KALRN: variants seen among roughly 807,000 people sequenced by gnomAD.
The protein encoded by KALRN is kalirin.
Under a neutral mutation model 353.7 loss-of-function variants are expected in KALRN, and 70 were observed. The observed-to-expected ratio is 0.20, with a 90% confidence interval of 0.16 to 0.24. The LOEUF (loss-of-function observed/expected upper bound fraction) is 0.24, where lower values mean the gene tolerates loss of function less well. KALRN is among the 10% of genes least tolerant of loss of function. The probability of loss-of-function intolerance (pLI) is 1.00; values close to 1 mark genes in which losing one functional copy is unlikely to be tolerated. For missense variants in KALRN, 2,791 were observed against 3,756.7 expected (o/e 0.74, Z 6.72); for synonymous variants, 1,391 against 1,434.8 (o/e 0.97, Z 0.69).
chr3:124,505,903 ATTCT>A (rs1403942230), intron 33 of KALRN, among the ~76,000 whole-genome samples: 1 of 152,174 alleles, frequency 6.6e-6, no homozygotes, highest in Non-Finnish European at 1.5e-5. Context: ...TGGGTTGAAA[ATTCT>A]TGCCTGGGTT....
chr3:124,434,758 G>A (rs2093403912), intron 17 of KALRN, among the ~76,000 whole-genome samples: 1 of 152,220 alleles, frequency 6.6e-6, no homozygotes, highest in Non-Finnish European at 1.5e-5. Flanking sequence ...GATCTATAGG[G>A]AGGTGTTGAA....
intron 33 of KALRN, among the ~76,000 whole-genome samples, chr3:124,561,730 T>C (rs889544529): frequency 6.6e-6 from 1 of 152,194 alleles, no homozygotes; most frequent in African/African-American, 2.4e-5. Context: ...GGACTTTGCC[T>C]CCAAACTGCT....
Position 124,712,984 on chromosome 3 carries a change from G to A in KALRN, c.8125G>A (p.Asp2709Asn). The A allele has an allele frequency of 2.8e-5, 45 of 1,614,072 alleles. No individual in the cohort carries two copies. The highest frequency in any genetic ancestry group is 3.6e-5 in the Non-Finnish European group (42 of 1,179,992). Residue 2709 changes from aspartate to asparagine, a missense_variant, in exon 58 of 60, where the codon GAT becomes AAT. By Grantham distance (23) the Asp-to-Asn change is conservative. Coordinates refer to ENST00000682506, the MANE Select transcript of KALRN (RefSeq NM_001388419.1). ...ATGCATTCACAAAGCTACCCGCAAA[G>A]ATGTGGCTGTGAAATTTGTTAGCAA... is the stretch of plus-strand genomic sequence containing the variant. ...KKCIHKATRK[D>N]VAVKFVSKKM...
intron 11 of KALRN, among the ~76,000 whole-genome samples, chr3:124,392,869 G>A (rs2089636268): frequency 6.6e-6 from 1 of 151,278 alleles, no homozygotes; most frequent in South Asian, 2.1e-4. Flanking sequence ...CATGTGCCAT[G>A]CTGGTGCGCT....
chr3:124,645,570 A>T (rs922856901), intron 37 of KALRN, among the ~76,000 whole-genome samples: 1 of 151,998 alleles, frequency 6.6e-6, no homozygotes, highest in Non-Finnish European at 1.5e-5. Context: ...TCCCAACACC[A>T]TTTATTACAT....
chr3:124,542,065 G>T (rs541683296), intron 33 of KALRN, among the ~76,000 whole-genome samples: 76 of 152,324 alleles, frequency 5.0e-4, no homozygotes, highest in African/African-American at 1.7e-3. Flanking sequence ...GCACAGAATG[G>T]ACTGGCGTTA....
chr3:124,519,688 A>G (rs2067003274), intron 33 of KALRN: 4 of 985,322 alleles, frequency 4.1e-6, no homozygotes, highest in South Asian at 4.7e-5. Flanking sequence ...GCAAAGTGTC[A>G]TTCTCTGGAA....
At position 124,695,090 on chromosome 3, in the gene KALRN, TG is replaced by T. The variant is rs540244551; in HGVS notation, c.7577+588del. On this transcript the variant is annotated intron_variant, in intron 53 of 59. Transcript: ENST00000682506. Reference sequence around the variant, plus strand: ...TTCAGGTTGCTGTGAAACAGTGAGATGTTTAATTCCTCACCTAAGAACAGTG... The same window carrying T: ...TTCAGGTTGCTGTGAAACAGTGAGATTTTAATTCCTCACCTAAGAACAGTG... Among the ~76,000 whole-genome samples the T allele has an allele frequency of 8.5e-5, 13 of 152,336 alleles. 1 individual carries two copies. The South Asian group carries it at 2.7e-3, about 32-fold the overall frequency.
intron 15 of KALRN, among the ~76,000 whole-genome samples, chr3:124,425,812 G>A (rs544449481): frequency 6.6e-6 from 1 of 152,078 alleles, no homozygotes; most frequent in Admixed American, 6.6e-5. Context: ...GAGGAGACTG[G>A]GCTGATGATA....
chr3:124,642,278 G>A (rs900390216), intron 37 of KALRN, among the ~76,000 whole-genome samples: 3 of 145,352 alleles, frequency 2.1e-5, no homozygotes, highest in Non-Finnish European at 4.5e-5. Context: ...AAGCAAGACT[G>A]TCTCTACAGA....
intron 9 of KALRN, among the ~76,000 whole-genome samples, chr3:124,346,913 T>C (rs1439730060): frequency 5.3e-5 from 8 of 152,098 alleles, no homozygotes; most frequent in African/African-American, 1.9e-4. Context: ...AAGGATAATA[T>C]GGAGATCAAA....
Position 124,264,619 on chromosome 3 carries a change from C to T in KALRN, c.385C>T (p.Leu129Phe). Residue 129 changes from leucine (L) to phenylalanine (F), a missense_variant, in exon 4 of 60, where the codon CTC becomes TTC. Leu to Phe is a conservative substitution (Grantham distance 22). Around this residue, in one of 11 missense-constraint regions of KALRN, gnomAD observed 110 missense variants for 204.1 expected, o/e 0.54. Coordinates refer to ENST00000682506, the MANE Select transcript of KALRN (RefSeq NM_001388419.1). ...CTTTCCAGCTGAGATCCATGTGGCC[C>T]TCATCATTAAACCCGACAACTTCTG... ...EAFPAEIHVA[L>F]IIKPDNFWQK... 1 of 1,614,154 alleles carries T rather than the reference C, an allele frequency of 6.2e-7. No individual in the cohort carries two copies. The highest frequency in any genetic ancestry group is 8.5e-7 in the Non-Finnish European group (1 of 1,180,030).
Position 124,697,683 on chromosome 3 carries a change from A to G in KALRN, c.7790A>G (p.Asn2597Ser), listed in dbSNP as rs1396755586. 3 of 1,601,078 alleles carry G rather than the reference A, an allele frequency of 1.9e-6. No homozygotes were observed. Residue 2597 changes from asparagine (N) to serine (S), a missense_variant, in exon 55 of 60, where the codon AAC becomes AGC. Physicochemically the swap from Asn to Ser is conservative, Grantham distance 46. Around this residue, in one of 11 missense-constraint regions of KALRN, gnomAD observed 1,065 missense variants for 1,156.4 expected, o/e 0.92. Transcript: ENST00000682506. ...LRWLPPSSTG[N>S]CTISGYTVEY... Reference sequence around the variant, plus strand: ...TGGCTGCCCCCCTCCAGCACAGGAAACTGCACTATTTCTGGTTACACTGTG... The same window carrying G: ...TGGCTGCCCCCCTCCAGCACAGGAAGCTGCACTATTTCTGGTTACACTGTG...
rs1559898096 is a variant in KALRN, at chr3:124,724,995, G to C, written c.*5525G>C. ...AGTTAGATAACTGCTATTTCAGATAGTGAGGTTAGCTGAGAAAAGGAAGCA... is the reference window on the plus strand; with the variant it reads ...AGTTAGATAACTGCTATTTCAGATACTGAGGTTAGCTGAGAAAAGGAAGCA... On this transcript the variant is annotated 3_prime_UTR_variant, in exon 60 of 60. Transcript: ENST00000682506. 1 of 152,332 alleles carries C rather than the reference G, an allele frequency of 6.6e-6. No homozygotes were observed. The highest frequency in any genetic ancestry group is 1.9e-4 in the East Asian group (1 of 5,192). 9.4% of individuals were successfully genotyped at this position (152,332 alleles called of 1,614,324 possible). A position where few individuals can be genotyped will look rare whatever the true frequency, so the allele number is the denominator to read the frequency against.
chr3:124,284,090 G>A (rs1293226485), intron 5 of KALRN, among the ~76,000 whole-genome samples: 2 of 152,314 alleles, frequency 1.3e-5, no homozygotes, highest in Middle Eastern at 3.4e-3. Context: ...GAAAGCGGAG[G>A]CAGAGACCAT....
At chr3:124,624,565 G>A (rs560187926) in intron 34 of KALRN, among the ~76,000 whole-genome samples, 4 of 152,292 alleles carry the variant, frequency 2.6e-5, no homozygotes, top group South Asian at 2.1e-4. Flanking sequence ...CCAAGGCTTA[G>A]GCTAATAACA....
chr3:124,145,858 A>G (rs1174597709), intron 1 of KALRN, among the ~76,000 whole-genome samples: 1 of 152,240 alleles, frequency 6.6e-6, no homozygotes, highest in African/African-American at 2.4e-5. Flanking sequence ...CAGGTGGTAA[A>G]AAAGACACAC....
intron 33 of KALRN, among the ~76,000 whole-genome samples, chr3:124,531,001 T>G (rs879223690): frequency 1.3e-5 from 2 of 152,224 alleles, no homozygotes; most frequent in African/African-American, 4.8e-5. Context: ...TAATGTAGTT[T>G]TATCCATAGC....
chr3:124,366,745 C>T (rs111329678), intron 10 of KALRN, among the ~76,000 whole-genome samples: 14 of 150,730 alleles, frequency 9.3e-5, no homozygotes, highest in Admixed American at 1.3e-4. Flanking sequence ...GGGTGGTGGC[C>T]GGGCAGAGGG....
Sources: gnomAD v4.1 joint callset for allele counts (sites outside exome capture counted in the v4.1 genomes callset) on GRCh38, gnomAD v4.1.1 for gene constraint, gnomAD v4.1.1 regional missense constraint, MANE v1.5 for transcripts, NCBI Gene and HGNC (gene_info 2026-07-23, HGNC 2026-07-21) for gene names.